EIF2B4: variants seen among roughly 807,000 people sequenced by gnomAD.
The protein encoded by EIF2B4 is eukaryotic translation initiation factor 2B subunit delta.
EIF2B4 carries 34 observed loss-of-function variants against 66.7 expected under a neutral mutation model. The observed-to-expected ratio is 0.51, with a 90% CI of 0.39 to 0.68. The LOEUF is 0.68. EIF2B4 is among the 30% of genes least tolerant of loss of function. The pLI, the probability that EIF2B4 is intolerant of heterozygous loss-of-function variation, is 0.00. For missense variants in EIF2B4, 618 were observed against 657.9 expected (o/e 0.94, Z 0.66); for synonymous variants, 278 against 253.6 (o/e 1.10, Z -0.92).
intron 9 of EIF2B4, 76 bp downstream of exon 9, chr2:27,367,381 C>T: frequency 1.3e-6 from 2 of 1,599,764 alleles, no homozygotes; most frequent in Non-Finnish European, 1.7e-6. Flanking sequence ...CTTACGTTGG[C>T]CTTCCCGGGA....
Position 27,367,219 on chromosome 2 carries a change from C to G in EIF2B4, c.886-18G>C. 8.1e-6 allele frequency: 13 copies of G among 1,614,064 alleles called. No homozygotes were observed. The highest frequency in any genetic ancestry group is 1.0e-5 in the Non-Finnish European group (12 of 1,180,028). ...GACTTGGCCTAAATGGAGTAAAATC[C>G]TTAGTGAACAAGAAATGGACACTTT... On this transcript the variant is annotated intron_variant, in intron 9 of 12. Transcript: ENST00000347454.
intron 11 of EIF2B4, 152 bp from the exon 12 acceptor site, chr2:27,365,050 T>C: frequency 1.3e-6 from 1 of 756,228 alleles, no homozygotes; most frequent in Non-Finnish European, 2.1e-6. Context: ...CAACAAGTAA[T>C]AAATCTTTTT....
At chr2:27,364,674 C>T in intron 12 of EIF2B4, 44 bp downstream of exon 12, 1 of 1,614,180 alleles carries the variant, frequency 6.2e-7, no homozygotes, top group Non-Finnish European at 8.5e-7. Context: ...CCCTCCCTCT[C>T]AAGTCTTCAC....
chr2:27,365,026 GAAAC>G, intron 11 of EIF2B4, 128 bp from the exon 12 acceptor site: 1 of 929,440 alleles, frequency 1.1e-6, no homozygotes, highest in Admixed American at 2.5e-5. Context: ...AGAAGGGAAA[GAAAC>G]AAAAACAGAC....
Position 27,367,220 on chromosome 2 carries a change from T to A in EIF2B4, c.886-19A>T. The A allele has an allele frequency of 7.4e-6, 12 of 1,614,126 alleles. No individual in the cohort carries two copies. The highest frequency in any genetic ancestry group is 1.0e-5 in the Non-Finnish European group (12 of 1,180,034). ...ACTTGGCCTAAATGGAGTAAAATCC[T>A]TAGTGAACAAGAAATGGACACTTTT... is the stretch of plus-strand genomic sequence containing the variant. On this transcript the variant is annotated intron_variant, in intron 9 of 12. Coordinates refer to ENST00000347454, the MANE Select transcript of EIF2B4 (RefSeq NM_001034116.2).
chr2:27,367,621 A>G (rs748786852), intron 8 of EIF2B4, 62 bp from the exon 9 acceptor site: 36 of 1,601,150 alleles, frequency 2.2e-5, no homozygotes, highest in Non-Finnish European at 2.9e-5. Context: ...AAGCCTTCAC[A>G]TTTAAAAAAA....
At chr2:27,369,704 G>A (rs1682210704) in intron 2 of EIF2B4, 155 bp from the exon 3 acceptor site, 2 of 1,480,800 alleles carry the variant, frequency 1.4e-6, no homozygotes, top group Non-Finnish European at 9.4e-7. Context: ...AGAGGCTGAC[G>A]TTTCTCCTCC....
chr2:27,366,344 C>T (rs764158483), intron 11 of EIF2B4: 14 of 280,518 alleles, frequency 5.0e-5, no homozygotes, highest in Admixed American at 9.4e-5. Context: ...AGATTGCAGG[C>T]ATTGAGCCAT....
At position 27,365,845 on chromosome 2, in the gene EIF2B4, A is replaced by C. The variant is rs1038591068; in HGVS notation, c.1191+914T>G. The C allele has an allele frequency of 2.6e-5, 4 of 152,094 alleles. No homozygotes were observed. The East Asian group carries it at 7.7e-4, about 29-fold the overall frequency. 9.4% of individuals were successfully genotyped at this position (152,094 alleles called of 1,614,324 possible). A position where few individuals can be genotyped will look rare whatever the true frequency, so the allele number is the denominator to read the frequency against. On this transcript the variant is annotated intron_variant, in intron 11 of 12. Transcript: ENST00000347454. Reference sequence around the variant, plus strand: ...AGCTAGACTGCTGTAATATACTGTCAGTGTTTTTCCAATTAAATAGAAACA... The same window carrying C: ...AGCTAGACTGCTGTAATATACTGTCCGTGTTTTTCCAATTAAATAGAAACA...
At position 27,364,907 on chromosome 2, in the gene EIF2B4, CAGG is replaced by C. The variant is rs776776464; in HGVS notation, c.1192-12_1192-10del. The stretch of plus-strand genomic sequence containing the variant: ...AATAGCACCTTGGAAACCTGTTTCA[CAGG>C]AGAAGAGGAAGAAAAAAATGTCATT... On this transcript the variant is annotated splice_polypyrimidine_tract_variant and intron_variant, in intron 11 of 12. Transcript: ENST00000347454. 24 of 1,613,550 alleles carry C rather than the reference CAGG, an allele frequency of 1.5e-5. No homozygotes were observed. The highest frequency in any genetic ancestry group is 1.6e-4 in the Middle Eastern group (1 of 6,084).
intron 11 of EIF2B4, chr2:27,366,367 G>A (rs1174642518): frequency 3.2e-6 from 1 of 309,068 alleles, no homozygotes; most frequent in South Asian, 2.9e-5. Context: ...CACCAAGCCA[G>A]GGCTATATAA....
chr2:27,369,653 T>G, intron 2 of EIF2B4, 104 bp from the exon 3 acceptor site: 1 of 1,586,680 alleles, frequency 6.3e-7, no homozygotes, highest in Non-Finnish European at 8.6e-7. Context: ...CCCTAGTTCT[T>G]CCTAACTTCC....
intron 1 of EIF2B4, 78 bp from the exon 2 acceptor site, chr2:27,369,997 G>A: frequency 2.6e-6 from 4 of 1,537,500 alleles, no homozygotes; most frequent in Middle Eastern, 1.7e-4. Flanking sequence ...CGGCGCAGCC[G>A]GCTGCTGGGT....
Position 27,369,181 on chromosome 2 carries a change from G to A in EIF2B4, c.243C>T (p.Gly81=), listed in dbSNP as rs925973557. 2 of 1,612,750 alleles carry A rather than the reference G, an allele frequency of 1.2e-6. No homozygotes were observed. The highest frequency in any genetic ancestry group is 8.5e-7 in the Non-Finnish European group (1 of 1,179,952). Residue 81 remains glycine (G), a synonymous_variant, in exon 4 of 13, where the codon GGC becomes GGT. Transcript: ENST00000347454. The part of the protein sequence containing the change: ...VGPTRELPES[G]IQLGTPREKV... The stretch of plus-strand genomic sequence containing the variant: ...TCTCCCGAGGAGTGCCCAACTGAAT[G>A]CCCGATTCTGGCAGTTCTCTGGTTG...
intron 2 of EIF2B4, 107 bp downstream of exon 2, chr2:27,369,766 GGCT>G: frequency 6.8e-7 from 1 of 1,467,768 alleles, no homozygotes; most frequent in South Asian, 1.3e-5. Flanking sequence ...AAAATCTCCT[GGCT>G]TTACTGAGAA....
At chr2:27,366,223 T>TGTGTGTGTGG in intron 11 of EIF2B4, 1 of 36,298 alleles carries the variant, frequency 2.8e-5, no homozygotes, top group Non-Finnish European at 5.4e-5. Flanking sequence ...GGGGTGTGTG[T>TGTGTGTGTGG]GTGTGTGTGT....
In EIF2B4 at chr2:27,366,906, C is replaced by T; in HGVS notation, c.1044G>A (p.Glu348=). 6.2e-7 allele frequency: 1 copy of T among 1,614,186 alleles called. No individual in the cohort carries two copies. Residue 348 remains glutamate, a synonymous_variant, in exon 11 of 13, where the codon GAG becomes GAA. Transcript: ENST00000347454. ...CSSLVSRILQ[E]AWTEGRRFRV... ...GAAACCGCCGGCCCTCTGTCCAAGC[C>T]TCCTGAAGAATTCGTGATACCAGAG... is the stretch of plus-strand genomic sequence containing the variant.
Position 27,364,367 on chromosome 2 carries a change from A to T in EIF2B4, c.*33T>A. The T allele has an allele frequency of 6.2e-7, 1 of 1,605,344 alleles. No individual in the cohort carries two copies. The highest frequency in any genetic ancestry group is 1.1e-5 in the South Asian group (1 of 90,498). On this transcript the variant is annotated 3_prime_UTR_variant, in exon 13 of 13. Coordinates refer to ENST00000347454, the MANE Select transcript of EIF2B4 (RefSeq NM_001034116.2). ...GGCAGCAGAGTTGCTGAGGGTAGGGAGTATGGCATTTATTAACCCTGTGTT... is the reference window on the plus strand; with the variant it reads ...GGCAGCAGAGTTGCTGAGGGTAGGGTGTATGGCATTTATTAACCCTGTGTT...
At chr2:27,366,670 CA>C in intron 11 of EIF2B4, 88 bp downstream of exon 11, 1 of 1,530,728 alleles carries the variant, frequency 6.5e-7, no homozygotes. Flanking sequence ...AAAACAAAAA[CA>C]AAACTGTAAC....
Sources: allele counts gnomAD v4.1 joint callset, GRCh38; gene constraint gnomAD v4.1.1; transcripts MANE v1.5; gene names NCBI Gene and HGNC (gene_info 2026-07-23, HGNC 2026-07-21).